Variants in SLC26A7 observed in about 807,000 individuals in gnomAD.
SLC26A7 encodes solute carrier family 26 member 7.
Under a neutral mutation model 82.5 loss-of-function variants are expected in SLC26A7, and 59 were observed. The ratio of observed to expected loss-of-function variants is 0.72; its 90% CI spans 0.58 to 0.89. SLC26A7 has a LOEUF of 0.89. Among genes scored for constraint, SLC26A7 ranks in the 40% least tolerant of loss-of-function variants. The pLI, the probability that SLC26A7 is intolerant of heterozygous loss-of-function variation, is 0.00. For synonymous variants in SLC26A7, 271 were observed against 274.3 expected, an observed-to-expected ratio of 0.99 and a Z score of 0.12; for missense variants, 820 against 793.0, an observed-to-expected ratio of 1.03 and a Z score of -0.41.
At chr8:91,250,783 T>G (rs996029701) in intron 2 of SLC26A7, among the ~76,000 whole-genome samples, 1 of 152,132 alleles carries the variant, frequency 6.6e-6, no homozygotes, top group Non-Finnish European at 1.5e-5. Flanking sequence ...TGGAACAAAC[T>G]GGTTTGTGTA....
chr8:91,288,381 C>T (rs945073130), intron 2 of SLC26A7, among the ~76,000 whole-genome samples: 5 of 152,112 alleles, frequency 3.3e-5, no homozygotes, highest in Non-Finnish European at 7.4e-5. Context: ...ATATTTTGGT[C>T]ACGTTGAAAC....
At chr8:91,250,496 T>C (rs1366475619) in intron 2 of SLC26A7, among the ~76,000 whole-genome samples, 2 of 152,150 alleles carry the variant, frequency 1.3e-5, no homozygotes, top group Admixed American at 6.6e-5. Flanking sequence ...TGGATTTAGA[T>C]AGGTGTTTCT....
intron 13 of SLC26A7, among the ~76,000 whole-genome samples, chr8:91,365,143 A>C (rs898081350): frequency 6.6e-5 from 10 of 151,276 alleles, no homozygotes; most frequent in African/African-American, 1.9e-4. Flanking sequence ...CAATTTGAAT[A>C]TCTATTCTTT....
At chr8:91,236,145 T>C (rs1042629806) in intron 2 of SLC26A7, among the ~76,000 whole-genome samples, 1 of 152,210 alleles carries the variant, frequency 6.6e-6, no homozygotes, top group African/African-American at 2.4e-5. Context: ...AATTTGTGTT[T>C]TGGGAAAATT....
chr8:91,333,072 A>G (rs1158408347), intron 5 of SLC26A7, among the ~76,000 whole-genome samples: 1 of 152,134 alleles, frequency 6.6e-6, no homozygotes, highest in Non-Finnish European at 1.5e-5. Flanking sequence ...TTCAGCACCT[A>G]ATTTAGGGTT....
In SLC26A7 at chr8:91,396,337, A is replaced by G. The variant is rs1443708343; in HGVS notation, c.*1240A>G. 1 of 152,052 alleles carries G rather than the reference A, an allele frequency of 6.6e-6. No homozygotes were observed. The highest frequency in any genetic ancestry group is 1.5e-5 in the Non-Finnish European group (1 of 67,910). The allele number at this position is 152,052 out of a possible 1,614,324, so 9.4% of individuals were successfully genotyped here. ...CAGCATTTTAACCGCTCTAAAAATTACCAGAGTAAGAAAAAGCTAGGTACT... is the reference window on the plus strand; with the variant it reads ...CAGCATTTTAACCGCTCTAAAAATTGCCAGAGTAAGAAAAAGCTAGGTACT... On this transcript the variant is annotated 3_prime_UTR_variant, in exon 19 of 19. Transcript: ENST00000276609.
At chr8:91,277,432 A>C (rs868213249) in intron 2 of SLC26A7, among the ~76,000 whole-genome samples, 8 of 152,314 alleles carry the variant, frequency 5.3e-5, no homozygotes, top group Admixed American at 6.5e-5. Context: ...TTTTTGTAAA[A>C]TTTTAAAAGT....
chr8:91,255,839 C>G (rs1263705143), intron 2 of SLC26A7, among the ~76,000 whole-genome samples: 1 of 152,110 alleles, frequency 6.6e-6, no homozygotes, highest in Admixed American at 6.6e-5. Flanking sequence ...AGAACCATGA[C>G]CTTTAATTTT....
chr8:91,276,873 C>T (rs766358338), intron 2 of SLC26A7, among the ~76,000 whole-genome samples: 1 of 152,188 alleles, frequency 6.6e-6, no homozygotes, highest in Non-Finnish European at 1.5e-5. Context: ...ACCACTGTTG[C>T]TGTCACTTTC....
chr8:91,292,609 T>C (rs1248194376), intron 3 of SLC26A7, among the ~76,000 whole-genome samples: 3 of 152,158 alleles, frequency 2.0e-5, no homozygotes, highest in Non-Finnish European at 4.4e-5. Flanking sequence ...ACTTACTAAA[T>C]ACAATAATAA....
intron 3 of SLC26A7, among the ~76,000 whole-genome samples, chr8:91,290,395 A>C (rs1811831829): frequency 1.3e-5 from 2 of 152,140 alleles, no homozygotes; most frequent in African/African-American, 2.4e-5. Context: ...GACTAAAACT[A>C]AGGTGTCAGC....
chr8:91,393,834 T>C lies in SLC26A7; in HGVS notation c.1814T>C (p.Leu605Ser), dbSNP rs750053327. 3.1e-6 allele frequency: 5 copies of C among 1,613,736 alleles called. No individual in the cohort carries two copies. The South Asian group carries it at 3.3e-5, about 11-fold the overall frequency. Residue 605 changes from leucine to serine, a missense_variant, in exon 17 of 19, where the codon TTG (leucine) becomes TCG (serine). Coordinates refer to ENST00000276609, the MANE Select transcript of SLC26A7 (RefSeq NM_052832.4). Reference sequence around the variant, plus strand: ...TGTAAAGGCAGGAGTGTGGATGTATTGTTAGCCCATTGTACAGGTAAGAGA... The same window carrying C: ...TGTAAAGGCAGGAGTGTGGATGTATCGTTAGCCCATTGTACAGGTAAGAGA... ...MDCKGRSVDVLLAHCTASLIK... is the reference protein window; with the variant it reads ...MDCKGRSVDVSLAHCTASLIK...
chr8:91,237,475 C>T (rs1398681716), intron 2 of SLC26A7, among the ~76,000 whole-genome samples: 1 of 152,224 alleles, frequency 6.6e-6, no homozygotes, highest in East Asian at 1.9e-4. Flanking sequence ...TCTCCTTTGT[C>T]GATACTTCTC....
At position 91,321,658 on chromosome 8, in the gene SLC26A7, A is replaced by G. The variant is rs184807241; in HGVS notation, c.642+3278A>G. 1.5e-3 allele frequency among the ~76,000 whole-genome samples: 229 copies of G among 152,288 alleles called. 2 individuals carry two copies. The highest frequency in any genetic ancestry group is 5.5e-3 in the African/African-American group (227 of 41,568). On this transcript the variant is annotated intron_variant, in intron 5 of 18. Coordinates refer to ENST00000276609, the MANE Select transcript of SLC26A7 (RefSeq NM_052832.4). The stretch of plus-strand genomic sequence containing the variant: ...ATTTAGCCTTCCTAAATTCCTTCAC[A>G]GATAACTCTTTACTTTTTAAATTTG...
At chr8:91,362,089 G>T (rs1814065618) in intron 11 of SLC26A7, among the ~76,000 whole-genome samples, 1 of 152,094 alleles carries the variant, frequency 6.6e-6, no homozygotes, top group Non-Finnish European at 1.5e-5. Flanking sequence ...CTTAAATACA[G>T]TGTTTGTTGG....
chr8:91,341,144 C>T (rs867319038), intron 8 of SLC26A7, among the ~76,000 whole-genome samples: 1 of 152,032 alleles, frequency 6.6e-6, no homozygotes, highest in African/African-American at 2.4e-5. Context: ...CTCCTCCCCC[C>T]ACCCCACAAC....
chr8:91,297,445 T>G (rs1453853909), intron 4 of SLC26A7, among the ~76,000 whole-genome samples: 2 of 152,076 alleles, frequency 1.3e-5, no homozygotes, highest in African/African-American at 2.4e-5. Context: ...CGAATGAAAC[T>G]CCCTAGAATT....
chr8:91,363,797 G>A (rs1190425533), intron 13 of SLC26A7, among the ~76,000 whole-genome samples: 1 of 152,084 alleles, frequency 6.6e-6, no homozygotes, highest in East Asian at 1.9e-4. Context: ...ACAGTTCACT[G>A]TAGAATCATG....
At chr8:91,271,858 T>C in intron 2 of SLC26A7, among the ~76,000 whole-genome samples, 1 of 152,150 alleles carries the variant, frequency 6.6e-6, no homozygotes, top group Non-Finnish European at 1.5e-5. Flanking sequence ...CCTCTCAAAG[T>C]GTTGGGATTA....
Sources: allele counts gnomAD v4.1 joint callset (sites outside exome capture counted in the v4.1 genomes callset), GRCh38; gene constraint gnomAD v4.1.1; transcripts MANE v1.5; gene names NCBI Gene and HGNC (gene_info 2026-07-23, HGNC 2026-07-21).